The following TRPS1 variants were observed in gnomAD, a reference collection of about 807,000 sequenced individuals.
The protein encoded by TRPS1 is transcriptional repressor GATA binding 1.
Under a neutral mutation model 101.2 loss-of-function variants are expected in TRPS1, and 6 were observed. The ratio of observed to expected loss-of-function variants is 0.06; its 90% CI spans 0.03 to 0.12. The LOEUF is 0.12. TRPS1 is among the 10% of genes least tolerant of loss of function. The pLI, the probability that TRPS1 is intolerant of heterozygous loss-of-function variation, is 1.00. For synonymous variants in TRPS1, 578 were observed against 589.8 expected, an observed-to-expected ratio of 0.98 and a Z score of 0.29; for missense variants, 1,363 against 1,567.0, an observed-to-expected ratio of 0.87 and a Z score of 2.20.
chr8:115,535,851 A>T (rs1489788749), intron 5 of TRPS1, among the ~76,000 whole-genome samples: 1 of 151,810 alleles, frequency 6.6e-6, no homozygotes, highest in Non-Finnish European at 1.5e-5. Context: ...TTAGTGCTTC[A>T]TCTCTCATTG....
At chr8:115,579,622 T>C (rs535144162) in intron 5 of TRPS1, among the ~76,000 whole-genome samples, 34 of 9,832 alleles carry the variant, frequency 3.5e-3, no homozygotes, top group Non-Finnish European at 5.2e-3. Flanking sequence ...GTACCTTTTT[T>C]AATGGTAGCA....
intron 1 of TRPS1, among the ~76,000 whole-genome samples, chr8:115,662,771 A>AAAGAGCTGCCTGTAG (rs1290975562): frequency 8.6e-5 from 13 of 151,994 alleles, no homozygotes; most frequent in Non-Finnish European, 1.8e-4. Flanking sequence ...TGTAAGAAAA[A>AAAGAGCTGCCTGTAG]AAGAGCTGCC....
rs967361717 is a variant in TRPS1 at position 115,411,125 on chromosome 8, T to A, written c.*2898A>T. On this transcript the variant is annotated 3_prime_UTR_variant, in exon 7 of 7. Transcript: ENST00000395715. ...TATGTATAATAATGAAAGCAAAAAA[T>A]GAAAATAAAATTATCAATAATAAAG... 1 of 152,014 alleles carries A rather than the reference T, an allele frequency of 6.6e-6. No individual in the cohort carries two copies. The highest frequency in any genetic ancestry group is 1.5e-5 in the Non-Finnish European group (1 of 67,874). 9.4% of individuals were successfully genotyped at this position (152,014 alleles called of 1,614,324 possible). A position where few individuals can be genotyped will look rare whatever the true frequency, so the allele number is the denominator to read the frequency against.
intron 5 of TRPS1, among the ~76,000 whole-genome samples, chr8:115,553,367 A>C (rs1418902962): frequency 1.3e-5 from 2 of 152,102 alleles, no homozygotes; most frequent in Admixed American, 6.6e-5. Context: ...GAATCAACAA[A>C]TGAATTATCC....
chr8:115,439,443 T>C (rs1205411318), intron 5 of TRPS1, among the ~76,000 whole-genome samples: 1 of 152,220 alleles, frequency 6.6e-6, no homozygotes. Flanking sequence ...TTATTTTCCA[T>C]ACTATCCTCT....
At position 115,604,676 on chromosome 8, in the gene TRPS1, C is replaced by A. The variant is rs1817993345; in HGVS notation, c.1293G>T (p.Lys431Asn). 2 of 1,613,916 alleles carry A rather than the reference C, an allele frequency of 1.2e-6. No individual in the cohort carries two copies. Among genetic ancestry groups the A allele is most frequent in the Non-Finnish European group, 1.7e-6 (2 of 1,179,950 alleles). ...CATTTTGTCTAGAGGAATCGAGGGG[C>A]TTTATGGGCACTGAGTACCCAACAG... is the stretch of plus-strand genomic sequence containing the variant. ...DTPVGYSVPI[K>N]PLDSSRQNGT... The change falls in exon 4 of 7, where the codon AAG (lysine) becomes AAT (asparagine). Residue 431 changes from lysine (K) to asparagine (N), a missense_variant. By Grantham distance (94) the Lys-to-Asn change is moderately conservative. Coordinates refer to ENST00000395715, the MANE Select transcript of TRPS1 (RefSeq NM_014112.5). The surrounding 1 kb of genome is among the most constrained non-coding windows in gnomAD (Gnocchi z 4.1).
chr8:115,576,284 T>C (rs1385686585), intron 5 of TRPS1, among the ~76,000 whole-genome samples: 1 of 144,520 alleles, frequency 6.9e-6, no homozygotes, highest in Non-Finnish European at 1.5e-5. Flanking sequence ...AGTTCATATA[T>C]ATATATAGAT....
chr8:115,600,955 G>A (rs1349735160), intron 4 of TRPS1, among the ~76,000 whole-genome samples: 1 of 152,054 alleles, frequency 6.6e-6, no homozygotes, highest in Non-Finnish European at 1.5e-5. Flanking sequence ...TAAACATTAA[G>A]TGAATGTACT....
At chr8:115,512,160 C>A (rs952006318) in intron 5 of TRPS1, among the ~76,000 whole-genome samples, 34 of 151,638 alleles carry the variant, frequency 2.2e-4, no homozygotes, top group African/African-American at 8.0e-4. Context: ...CAAGCTGAAA[C>A]TTGGCAAACA....
intron 5 of TRPS1, among the ~76,000 whole-genome samples, chr8:115,535,627 C>T (rs1316819580): frequency 3.3e-5 from 5 of 150,264 alleles, no homozygotes; most frequent in Non-Finnish European, 5.9e-5. Flanking sequence ...TTTGGGAGGC[C>T]GAGGTGGGCA....
chr8:115,589,689 A>G (rs1793510553), intron 4 of TRPS1, among the ~76,000 whole-genome samples: 1 of 152,220 alleles, frequency 6.6e-6, no homozygotes, highest in Non-Finnish European at 1.5e-5. Context: ...TATCAACAAG[A>G]GGAATAATCT....
intron 5 of TRPS1, among the ~76,000 whole-genome samples, chr8:115,582,569 C>G (rs1239214306): frequency 6.6e-6 from 1 of 152,168 alleles, no homozygotes; most frequent in Non-Finnish European, 1.5e-5. Context: ...CGTTAATTAA[C>G]TAAGCTGCAC....
rs930531761 is a variant in TRPS1, at chr8:115,409,480, T to C, written c.*4543A>G. The C allele has an allele frequency of 2.6e-5, 4 of 152,022 alleles. No homozygotes were observed. The highest frequency in any genetic ancestry group is 4.4e-5 in the Non-Finnish European group (3 of 67,982). The allele number at this position is 152,022 out of a possible 1,614,324, so 9.4% of individuals were successfully genotyped here. Reference sequence around the variant, plus strand: ...GTCTAGTTTCTCACGTGTGGATTACTCTTGAATTTCACATTTTCTTCATGT... The same window carrying C: ...GTCTAGTTTCTCACGTGTGGATTACCCTTGAATTTCACATTTTCTTCATGT... On this transcript the variant is annotated 3_prime_UTR_variant, in exon 7 of 7. Coordinates refer to ENST00000395715, the MANE Select transcript of TRPS1 (RefSeq NM_014112.5).
At chr8:115,525,021 T>C (rs1485115051) in intron 5 of TRPS1, among the ~76,000 whole-genome samples, 2 of 117,730 alleles carry the variant, frequency 1.7e-5, no homozygotes, top group Admixed American at 1.8e-4. Context: ...TGTCAGTACA[T>C]AGAAGTACAT....
intron 5 of TRPS1, among the ~76,000 whole-genome samples, chr8:115,491,610 G>A (rs138542061): frequency 4.6e-5 from 7 of 152,008 alleles, no homozygotes; most frequent in Admixed American, 4.6e-4. Context: ...AGCCATGAGC[G>A]AGACCTGGTA....
intron 1 of TRPS1, among the ~76,000 whole-genome samples, chr8:115,653,005 T>C (rs1811596420): frequency 6.6e-6 from 1 of 152,132 alleles, no homozygotes; most frequent in Non-Finnish European, 1.5e-5. Context: ...TATTTAAACC[T>C]TATCTGGATA....
In TRPS1 at chr8:115,438,547, C is replaced by T. The variant is rs568649936; in HGVS notation, c.2701-20095G>A. On this transcript the variant is annotated intron_variant, in intron 5 of 6. Coordinates refer to ENST00000395715, the MANE Select transcript of TRPS1 (RefSeq NM_014112.5). ...AGTCACATGGTTGGTGTTCAGTAAC[C>T]TAGTTTCCTCCTTCTTTCTTTATAT... 2.0e-5 allele frequency among the ~76,000 whole-genome samples: 3 copies of T among 152,144 alleles called. No homozygotes were observed. The East Asian group carries it at 5.8e-4, about 29-fold the overall frequency.
At chr8:115,531,995 G>A (rs1816144501) in intron 5 of TRPS1, among the ~76,000 whole-genome samples, 1 of 152,116 alleles carries the variant, frequency 6.6e-6, no homozygotes, top group Admixed American at 6.6e-5. Flanking sequence ...GACGAAATCT[G>A]AGGGACTGCA....
chr8:115,454,796 A>C lies in TRPS1; in HGVS notation c.2701-36344T>G, dbSNP rs1017029527. Among the ~76,000 whole-genome samples, 12 of 152,146 alleles carry C rather than the reference A, an allele frequency of 7.9e-5. 1 individual carries two copies. The highest frequency in any genetic ancestry group is 6.5e-4 in the Admixed American group (10 of 15,276). On this transcript the variant is annotated intron_variant, in intron 5 of 6. Transcript: ENST00000395715. ...AAATTGTTACAATGCATGAAATGTAAATTTTTCATGGTACAAAGGTTTCAT... is the reference window on the plus strand; with the variant it reads ...AAATTGTTACAATGCATGAAATGTACATTTTTCATGGTACAAAGGTTTCAT...
Sources: gnomAD v4.1 joint callset for allele counts (sites outside exome capture counted in the v4.1 genomes callset) on GRCh38, gnomAD v4.1.1 for gene constraint, Gnocchi (gnomAD v3.1) non-coding constraint, MANE v1.5 for transcripts, NCBI Gene and HGNC (gene_info 2026-07-23, HGNC 2026-07-21) for gene names.